CD109: variants seen among roughly 807,000 people sequenced by gnomAD.
The protein encoded by CD109 is CD109 molecule.
A neutral mutation model predicts 165.8 loss-of-function variants in CD109; 149 were observed. The ratio of observed to expected loss-of-function variants is 0.90; its 90% CI spans 0.79 to 1.03. CD109 has a LOEUF of 1.03. CD109 is among the 50% of genes least tolerant of loss of function. CD109 has a pLI of 0.00. For synonymous variants in CD109, 585 were observed against 592.1 expected, an observed-to-expected ratio of 0.99 and a Z score of 0.18; for missense variants, 1,712 against 1,677.8, an observed-to-expected ratio of 1.02 and a Z score of -0.36.
intron 5 of CD109, among the ~76,000 whole-genome samples, chr6:73,742,672 T>C (rs1772837974): frequency 6.6e-6 from 1 of 152,246 alleles, no homozygotes; most frequent in Non-Finnish European, 1.5e-5. Context: ...CTGTGCTGTC[T>C]TTCCTCATTG....
rs375066275 is a variant in CD109 at position 73,812,197 on chromosome 6, T to C, written c.3703-8T>C. 8.1e-6 allele frequency: 13 copies of C among 1,601,962 alleles called. No homozygotes were observed. The African/African-American group carries it at 9.4e-5, about 12-fold the overall frequency. On this transcript the variant is annotated splice_region_variant and splice_polypyrimidine_tract_variant and intron_variant, in intron 28 of 32. Transcript: ENST00000287097. ...TAGCCTCATTCACTTTTTTTCACCT[T>C]GATTCAGCTTGCTGTGGTACAGCCA... is the stretch of plus-strand genomic sequence containing the variant.
chr6:73,811,179 G>A (rs1775747185), intron 28 of CD109, 32 bp downstream of exon 28: 6 of 1,597,596 alleles, frequency 3.8e-6, no homozygotes, highest in Non-Finnish European at 5.1e-6. Flanking sequence ...TTAAAAATCA[G>A]TGTAGACAAT....
chr6:73,748,487 A>G (rs142212110), intron 5 of CD109, among the ~76,000 whole-genome samples: 5 of 152,212 alleles, frequency 3.3e-5, no homozygotes, highest in Admixed American at 1.3e-4. Flanking sequence ...TTTGTAATAC[A>G]TACTCACATA....
intron 2 of CD109, among the ~76,000 whole-genome samples, chr6:73,718,998 AAGAG>A (rs1771847039): frequency 6.6e-6 from 1 of 152,344 alleles, no homozygotes. Context: ...CTAAAAAAGA[AAGAG>A]AAACAGGTGA....
intron 3 of CD109, among the ~76,000 whole-genome samples, chr6:73,723,958 T>C (rs942404758): frequency 1.3e-5 from 2 of 152,170 alleles, no homozygotes; most frequent in African/African-American, 4.8e-5. Context: ...ATGAGCCTTC[T>C]AGTGTGGAAC....
At chr6:73,701,061 A>G (rs529323035) in intron 2 of CD109, among the ~76,000 whole-genome samples, 2 of 150,812 alleles carry the variant, frequency 1.3e-5, no homozygotes, top group Non-Finnish European at 2.9e-5. Context: ...TCGGCCTCCC[A>G]AAGTGCTAGG....
chr6:73,746,387 A>T (rs2150201576), intron 5 of CD109, among the ~76,000 whole-genome samples: 1 of 152,252 alleles, frequency 6.6e-6, no homozygotes, highest in East Asian at 1.9e-4. Context: ...ATTTTCCCTC[A>T]AGGGTAACTT....
At chr6:73,782,902 A>G in intron 18 of CD109, 147 bp downstream of exon 18, 1 of 646,854 alleles carries the variant, frequency 1.5e-6, no homozygotes. Context: ...AATGATATTT[A>G]TTGAATCTAA....
intron 19 of CD109, among the ~76,000 whole-genome samples, chr6:73,784,030 G>A (rs905937873): frequency 3.9e-5 from 6 of 152,218 alleles, no homozygotes; most frequent in South Asian, 2.1e-4. Context: ...TGCAAAGTCC[G>A]TATTAAGATT....
intron 26 of CD109, among the ~76,000 whole-genome samples, chr6:73,809,120 T>A (rs1423923202): frequency 2.0e-5 from 3 of 152,094 alleles, no homozygotes; most frequent in African/African-American, 7.2e-5. Flanking sequence ...CACCTAAGTG[T>A]AGTCATCATC....
At chr6:73,800,794 A>G (rs1775334488) in intron 23 of CD109, among the ~76,000 whole-genome samples, 1 of 152,022 alleles carries the variant, frequency 6.6e-6, no homozygotes, top group Non-Finnish European at 1.5e-5. Context: ...CTAATTTTTA[A>G]AAAGTTCTTT....
At chr6:73,752,539 A>G (rs992759198) in intron 5 of CD109, among the ~76,000 whole-genome samples, 1 of 152,084 alleles carries the variant, frequency 6.6e-6, no homozygotes, top group African/African-American at 2.4e-5. Context: ...ATACCTGCTG[A>G]CTCTTATTTT....
At chr6:73,688,163 T>C in the CD109 span, among the ~76,000 whole-genome samples, 2 of 147,324 alleles carry the variant, frequency 1.4e-5, no homozygotes, top group Non-Finnish European at 3.0e-5. Context: ...GTCTGGTAGA[T>C]TTTTTTTGGA....
intron 5 of CD109, among the ~76,000 whole-genome samples, chr6:73,742,488 T>G (rs1772826575): frequency 6.6e-6 from 1 of 152,244 alleles, no homozygotes; most frequent in African/African-American, 2.4e-5. Context: ...CTAATGTTGG[T>G]GTCTGAGAAC....
intron 29 of CD109, among the ~76,000 whole-genome samples, chr6:73,814,163 T>A (rs1210008906): frequency 6.6e-6 from 1 of 152,088 alleles, no homozygotes; most frequent in African/African-American, 2.4e-5. Flanking sequence ...CTGAGGGGTG[T>A]GTGTGTATGT....
intron 31 of CD109, 93 bp from the exon 32 acceptor site, chr6:73,820,368 T>C: frequency 1.5e-6 from 1 of 647,024 alleles, no homozygotes; most frequent in East Asian, 2.9e-5. Context: ...TGTTAGTCTC[T>C]GTTTCCTAAA....
chr6:73,723,284 G>A lies in CD109; in HGVS notation c.276+5G>A, dbSNP rs368832044. On this transcript the variant is annotated splice_donor_5th_base_variant and intron_variant, in intron 3 of 32. Transcript: ENST00000287097. Reference sequence around the variant, plus strand: ...AAGACACTTACTCTTCCATCAGTAAGTATCCATTTAAAAAATTTGGTTTCA... The same window carrying A: ...AAGACACTTACTCTTCCATCAGTAAATATCCATTTAAAAAATTTGGTTTCA... 1.2e-6 allele frequency: 2 copies of A among 1,609,244 alleles called. No individual in the cohort carries two copies. The highest frequency in any genetic ancestry group is 1.7e-6 in the Non-Finnish European group (2 of 1,177,858).
rs573810767 is a variant in CD109, at chr6:73,741,171, C to T, written c.633+4663C>T. Among the ~76,000 whole-genome samples, 3 of 151,928 alleles carry T rather than the reference C, an allele frequency of 2.0e-5. No homozygotes were observed. In the East Asian group the frequency reaches 5.8e-4, roughly 29 times the overall value. On this transcript the variant is annotated intron_variant, in intron 5 of 32. Coordinates refer to ENST00000287097, the MANE Select transcript of CD109 (RefSeq NM_133493.5). ...TCTTGATGATTATAATGTTTAAGACCTCTTAAAATCAGTAAAGTTTAGTAA... is the reference window on the plus strand; with the variant it reads ...TCTTGATGATTATAATGTTTAAGACTTCTTAAAATCAGTAAAGTTTAGTAA...
At chr6:73,802,346 G>T (rs1350987261) in intron 23 of CD109, among the ~76,000 whole-genome samples, 1 of 133,830 alleles carries the variant, frequency 7.5e-6, no homozygotes, top group African/African-American at 2.8e-5. Flanking sequence ...ACATGGAATT[G>T]GTGGGTAGGC....
Sources: allele counts gnomAD v4.1 joint callset (sites outside exome capture counted in the v4.1 genomes callset), GRCh38; gene constraint gnomAD v4.1.1; transcripts MANE v1.5; gene names NCBI Gene and HGNC (gene_info 2026-07-23, HGNC 2026-07-21).